Variants in MEFV observed in about 807,000 individuals in gnomAD.
The protein encoded by MEFV is pyrin.
Under a neutral mutation model 62.5 loss-of-function variants are expected in MEFV, and 60 were observed. That is an observed-to-expected ratio of 0.96 (90% CI 0.78 to 1.19). MEFV has a LOEUF of 1.19. Ranked by LOEUF, MEFV falls within the 50% of genes most tolerant of loss-of-function variation. The pLI is 0.00. For missense variants in MEFV, 1,169 were observed against 1,004.5 expected (o/e 1.16, Z -2.21); for synonymous variants, 500 against 415.2 (o/e 1.20, Z -2.48).
chr16:3,245,278 G>C (rs1958923567), intron 6 of MEFV, among the ~76,000 whole-genome samples: 2 of 147,680 alleles, frequency 1.4e-5, no homozygotes, highest in African/African-American at 4.9e-5. Context: ...ATGGGAGTGA[G>C]ACCTTGTCTC....
intron 2 of MEFV, among the ~76,000 whole-genome samples, chr16:3,253,665 C>T (rs1959070117): frequency 6.6e-6 from 1 of 152,062 alleles, no homozygotes; most frequent in Non-Finnish European, 1.5e-5. Flanking sequence ...AGGCGTGTGC[C>T]ACCATACCCA....
chr16:3,249,710 A>G lies in MEFV; in HGVS notation c.981T>C (p.Cys327=), dbSNP rs1275216443. The G allele has an allele frequency of 6.2e-7, 1 of 1,613,966 alleles. No homozygotes were observed. The highest frequency in any genetic ancestry group is 1.7e-5 in the Admixed American group (1 of 60,006). The change falls in exon 3 of 10, where the codon TGT becomes TGC. Residue 327 remains cysteine, a synonymous_variant. Coordinates refer to ENST00000219596, the MANE Select transcript of MEFV (RefSeq NM_000243.3). ...AQEGDPVDGT[C]VRDSCSFPEA... ...CGGGGAAGCTGCAGGAATCACGCAC[A>G]CAGGTACCGTCAACTGGGTCTCCTT...
chr16:3,253,076 T>A (rs1959060794), intron 2 of MEFV, among the ~76,000 whole-genome samples: 1 of 152,060 alleles, frequency 6.6e-6, no homozygotes, highest in Non-Finnish European at 1.5e-5. Context: ...TTACAGTTTT[T>A]TTTTAGTCTC....
In MEFV at chr16:3,254,520, G is replaced by C. The variant is rs777009752; in HGVS notation, c.548C>G (p.Pro183Arg). Residue 183 changes from proline (P) to arginine (R), a missense_variant, in exon 2 of 10, where the codon CCG (proline) becomes CGG (arginine). Physicochemically the swap from Pro to Arg is moderately radical, Grantham distance 103 (BLOSUM62 -2). Coordinates refer to ENST00000219596, the MANE Select transcript of MEFV (RefSeq NM_000243.3). ...GCAGGGGCCGGGGCTTCTCCCGCCC[G>C]GCAGGGCCGGGCTCCGGGTCCGAGG... The part of the protein sequence containing the change: ...GKPRTRSPAL[P>R]GGRSPGPCRA... The C allele has an allele frequency of 2.3e-5, 35 of 1,555,148 alleles. No individual in the cohort carries two copies. The South Asian group carries it at 3.7e-4, about 16-fold the overall frequency.
In MEFV at chr16:3,256,442, C is replaced by T; in HGVS notation, c.146G>A (p.Arg49Lys). The T allele has an allele frequency of 4.3e-6, 7 of 1,614,232 alleles. No individual in the cohort carries two copies. Among genetic ancestry groups the T allele is most frequent in the Non-Finnish European group, 5.9e-6 (7 of 1,180,044 alleles). Residue 49 changes from arginine (R) to lysine (K), a missense_variant, in exon 1 of 10, where the codon AGG becomes AAG. Physicochemically the swap from Arg to Lys is conservative, Grantham distance 26. Coordinates refer to ENST00000219596, the MANE Select transcript of MEFV (RefSeq NM_000243.3). ...RIPRSQIQRA[R>K]PVKMATLLVT... ...CAGCAGAGTGGCCATCTTCACCGGC[C>T]TGGCTCTCTGGATCTGGCTCCGGGG... is the stretch of plus-strand genomic sequence containing the variant.
At chr16:3,251,163 C>T (rs753289643) in intron 2 of MEFV, among the ~76,000 whole-genome samples, 1 of 152,108 alleles carries the variant, frequency 6.6e-6, no homozygotes, top group Non-Finnish European at 1.5e-5. Flanking sequence ...AAATTATTCT[C>T]CCTCCTTCTC....
Position 3,249,668 on chromosome 16 carries a change from G to C in MEFV, c.1023C>G (p.His341Gln), listed in dbSNP as rs1959002065. 2 of 1,613,166 alleles carry C rather than the reference G, an allele frequency of 1.2e-6. No individual in the cohort carries two copies. Among genetic ancestry groups the C allele is most frequent in the Admixed American group, 1.7e-5 (1 of 59,966 alleles). ...SCSFPEAVSG[H>Q]PQASGSRSPG... ...GTGAGCGGCTGCCTGAGGCCTGGGGGTGCCCAGAAACTGCCTCGGGGAAGC... is the reference window on the plus strand; with the variant it reads ...GTGAGCGGCTGCCTGAGGCCTGGGGCTGCCCAGAAACTGCCTCGGGGAAGC... Residue 341 changes from histidine (H) to glutamine (Q), a missense_variant, in exon 3 of 10, where the codon CAC becomes CAG. By Grantham distance (24) the His-to-Gln change is conservative. Coordinates refer to ENST00000219596, the MANE Select transcript of MEFV (RefSeq NM_000243.3).
chr16:3,244,464 C>A lies in MEFV; in HGVS notation c.1726+9G>T. 1 of 1,611,096 alleles carries A rather than the reference C, an allele frequency of 6.2e-7. No individual in the cohort carries two copies. The highest frequency in any genetic ancestry group is 8.5e-7 in the Non-Finnish European group (1 of 1,177,384). ...CATGCACCTCCAATCTTCTCCCAAGCCCATCTACCTGAGAAGTACTTTGTG... is the reference window on the plus strand; with the variant it reads ...CATGCACCTCCAATCTTCTCCCAAGACCATCTACCTGAGAAGTACTTTGTG... On this transcript the variant is annotated intron_variant, in intron 7 of 9. Transcript: ENST00000219596.
At chr16:3,244,890 C>T (rs1958916035) in intron 6 of MEFV, among the ~76,000 whole-genome samples, 1 of 151,546 alleles carries the variant, frequency 6.6e-6, no homozygotes, top group African/African-American at 2.4e-5. Context: ...TTATACACCC[C>T]TTTCTTTCTA....
In MEFV at chr16:3,247,118, C is replaced by T. The variant is rs1012455878; in HGVS notation, c.1485G>A (p.Arg495=). ...GGGATACGCGGGTGTCATATGCCTTCCTGATCTGCCCAACCATCTGGCCCA... is the reference window on the plus strand; with the variant it reads ...GGGATACGCGGGTGTCATATGCCTTTCTGATCTGCCCAACCATCTGGCCCA... ...EDVGQMVGQI[R]KAYDTRVSQD... The change falls in exon 5 of 10, where the codon AGG becomes AGA. Residue 495 remains arginine, a synonymous_variant. Transcript: ENST00000219596. 5 of 1,614,250 alleles carry T rather than the reference C, an allele frequency of 3.1e-6. No individual in the cohort carries two copies. The highest frequency in any genetic ancestry group is 3.4e-6 in the Non-Finnish European group (4 of 1,180,048).
chr16:3,254,093 C>A lies in MEFV; in HGVS notation c.910+65G>T. 4.5e-6 allele frequency: 7 copies of A among 1,559,348 alleles called. No individual in the cohort carries two copies. The South Asian group carries it at 7.9e-5, about 18-fold the overall frequency. On this transcript the variant is annotated intron_variant, in intron 2 of 9. Coordinates refer to ENST00000219596, the MANE Select transcript of MEFV (RefSeq NM_000243.3). ...AAAGCGCTGGGATTACAGGCATGAG[C>A]TATCGTGCCCGGCCAGCCATTCTTT...
At chr16:3,252,234 T>TC (rs1012480946) in intron 2 of MEFV, among the ~76,000 whole-genome samples, 6 of 150,830 alleles carry the variant, frequency 4.0e-5, no homozygotes, top group African/African-American at 1.5e-4. Flanking sequence ...CCACATCCTT[T>TC]CCCCTCCCAG....
chr16:3,250,625 G>A (rs1485527676), intron 2 of MEFV, among the ~76,000 whole-genome samples: 1 of 151,520 alleles, frequency 6.6e-6, no homozygotes, highest in Non-Finnish European at 1.5e-5. Flanking sequence ...GGCATTATAG[G>A]GCTAAAGACT....
chr16:3,246,537 T>G lies in MEFV; in HGVS notation c.1598A>C (p.Asp533Ala). 6.2e-7 allele frequency: 1 copy of G among 1,613,998 alleles called. No homozygotes were observed. The highest frequency in any genetic ancestry group is 8.5e-7 in the Non-Finnish European group (1 of 1,179,980). Residue 533 changes from aspartate (D) to alanine (A), a missense_variant, in exon 6 of 10, where the codon GAC becomes GCC. By Grantham distance (126) the Asp-to-Ala change is moderately radical (BLOSUM62 -2). Coordinates refer to ENST00000219596, the MANE Select transcript of MEFV (RefSeq NM_000243.3). ...GACCTCGCTGTACCTGTGCAAGATGTCTCCAATGTCCTAGGAGAAAAAAGA... is the reference window on the plus strand; with the variant it reads ...GACCTCGCTGTACCTGTGCAAGATGGCTCCAATGTCCTAGGAGAAAAAAGA... ...SEWELLQDIG[D>A]ILHRAKTVPV...
rs1375297218 is a variant in MEFV at position 3,247,146 on chromosome 16, T to A, written c.1457A>T (p.Asp486Val). 5 of 1,614,152 alleles carry A rather than the reference T, an allele frequency of 3.1e-6. No individual in the cohort carries two copies. In the South Asian group the frequency reaches 5.5e-5, roughly 18 times the overall value. The part of the protein sequence containing the change: ...QEHFFVASLE[D>V]VGQMVGQIRK... ...GATCTGCCCAACCATCTGGCCCACG[T>A]CCTCCAGTGAGGCCACAAAGAAATG... The change falls in exon 5 of 10, where the codon GAC (aspartate) becomes GTC (valine). Residue 486 changes from aspartate (D) to valine (V), a missense_variant. Transcript: ENST00000219596.
intron 9 of MEFV, 64 bp from the exon 10 acceptor site, chr16:3,243,758 C>T: frequency 6.2e-7 from 1 of 1,609,266 alleles, no homozygotes. Flanking sequence ...GGGTTCTCCC[C>T]ACCTGCAGGA....
Position 3,251,903 on chromosome 16 carries a change from C to T in MEFV, c.911-2123G>A, listed in dbSNP as rs951671190. On this transcript the variant is annotated intron_variant, in intron 2 of 9. Coordinates refer to ENST00000219596, the MANE Select transcript of MEFV (RefSeq NM_000243.3). ...ATTAACGAAGCGGCCCTAGAAGACACCCAGGAATCCCAATGATATAAATAC... is the reference window on the plus strand; with the variant it reads ...ATTAACGAAGCGGCCCTAGAAGACATCCAGGAATCCCAATGATATAAATAC... The T allele has an allele frequency of 5.4e-5, 15 of 278,096 alleles. No individual in the cohort carries two copies. The East Asian group carries it at 1.6e-3, about 29-fold the overall frequency. 17.2% of individuals were successfully genotyped at this position (278,096 alleles called of 1,614,324 possible).
intron 6 of MEFV, among the ~76,000 whole-genome samples, chr16:3,245,563 G>A (rs182695813): frequency 6.6e-6 from 1 of 152,212 alleles, no homozygotes; most frequent in South Asian, 2.1e-4. Context: ...GAACCTGGGA[G>A]GCAGAGGTTG....
At chr16:3,246,689 G>C in intron 5 of MEFV, 142 bp from the exon 6 acceptor site, 1 of 910,454 alleles carries the variant, frequency 1.1e-6, no homozygotes, top group Admixed American at 2.0e-5. Flanking sequence ...CAGTGGAAGT[G>C]GAGCACCTTT....
Sources: gnomAD v4.1 joint callset for allele counts (sites outside exome capture counted in the v4.1 genomes callset) on GRCh38, gnomAD v4.1.1 for gene constraint, MANE v1.5 for transcripts, NCBI Gene and HGNC (gene_info 2026-07-23, HGNC 2026-07-21) for gene names.